The following NIPA2 variants were observed in gnomAD, a reference collection of about 807,000 sequenced individuals.
NIPA2 encodes magnesium transporter NIPA2.
NIPA2 carries 11 observed loss-of-function variants against 29.7 expected under a neutral mutation model. The observed-to-expected ratio is 0.37, with a 90% CI of 0.23 to 0.61. The LOEUF (loss-of-function observed/expected upper bound fraction) is 0.61, where lower values mean the gene tolerates loss of function less well. Among genes scored for constraint, NIPA2 ranks in the 20% least tolerant of loss-of-function variants. NIPA2 has a pLI of 0.66. For missense variants in NIPA2, 426 were observed against 437.9 expected (o/e 0.97, Z 0.24); for synonymous variants, 183 against 161.9 (o/e 1.13, Z -0.99).
intron 7 of NIPA2, among the ~76,000 whole-genome samples, chr15:22,865,875 G>A (rs540861061): frequency 1.3e-5 from 2 of 151,978 alleles, no homozygotes; most frequent in Non-Finnish European, 2.9e-5. Context: ...GAACATTCAA[G>A]GCCACCTCAT....
intron 2 of NIPA2, among the ~76,000 whole-genome samples, chr15:22,840,304 T>G (rs1304633352): frequency 2.7e-5 from 4 of 148,200 alleles, no homozygotes; most frequent in Non-Finnish European, 6.0e-5. Flanking sequence ...TTTTTTTTGT[T>G]TTTTTTTTTT....
Position 22,866,376 on chromosome 15 carries a change from G to A in NIPA2, c.612G>A (p.Lys204=). Residue 204 remains lysine (K), a synonymous_variant, in exon 8 of 8, where the codon AAG becomes AAA. Coordinates refer to ENST00000337451, the MANE Select transcript of NIPA2 (RefSeq NM_030922.7). ...SCVKGLGIAI[K]ELFAGKPVLR... is the part of the protein sequence containing the mutation. Reference sequence around the variant, plus strand: ...TGAAGGGCCTGGGCATTGCTATCAAGGAGCTGTTTGCAGGGAAGCCTGTGC... The same window carrying A: ...TGAAGGGCCTGGGCATTGCTATCAAAGAGCTGTTTGCAGGGAAGCCTGTGC... The A allele has an allele frequency of 6.2e-7, 1 of 1,614,120 alleles. No homozygotes were observed. Among genetic ancestry groups the A allele is most frequent in the African/African-American group, 1.3e-5 (1 of 75,036 alleles).
chr15:22,867,073 TGTA>T lies in NIPA2; in HGVS notation c.*228_*230del, dbSNP rs555050089. ...ACGATTTCTATTAACATTTTATTGT[TGTA>T]GAAGTATTTTACATTTTCATCCCTT... On this transcript the variant is annotated 3_prime_UTR_variant, in exon 8 of 8. Coordinates refer to ENST00000337451, the MANE Select transcript of NIPA2 (RefSeq NM_030922.7). 2.5e-4 allele frequency: 125 copies of T among 508,506 alleles called. No homozygotes were observed. The highest frequency in any genetic ancestry group is 1.6e-3 in the African/African-American group (83 of 50,884). 31.5% of individuals were successfully genotyped at this position (508,506 alleles called of 1,614,324 possible).
chr15:22,857,665 C>T (rs377302969), intron 5 of NIPA2, among the ~76,000 whole-genome samples: 1 of 151,060 alleles, frequency 6.6e-6, no homozygotes, highest in African/African-American at 2.4e-5. Flanking sequence ...GGTGAAACCC[C>T]GTCTCTACTA....
intron 5 of NIPA2, among the ~76,000 whole-genome samples, chr15:22,854,661 G>A (rs1221542002): frequency 1.3e-5 from 2 of 151,768 alleles, no homozygotes; most frequent in Non-Finnish European, 2.9e-5. Context: ...CCCGAGAATC[G>A]CTTGAAACTG....
chr15:22,860,866 C>A, intron 7 of NIPA2, 77 bp downstream of exon 7: 2 of 1,081,658 alleles, frequency 1.8e-6, no homozygotes, highest in Non-Finnish European at 2.7e-6. Context: ...ATTTGATGAG[C>A]ACATAAGGAA....
At chr15:22,840,069 C>G (rs1896595200) in intron 2 of NIPA2, among the ~76,000 whole-genome samples, 1 of 151,938 alleles carries the variant, frequency 6.6e-6, no homozygotes, top group Admixed American at 6.6e-5. Context: ...CACAGACGTG[C>G]GGCACCATGC....
At chr15:22,863,923 TTTG>T (rs756017835) in intron 7 of NIPA2, among the ~76,000 whole-genome samples, 17 of 152,158 alleles carry the variant, frequency 1.1e-4, no homozygotes, top group Non-Finnish European at 2.2e-4. Context: ...TTTGGGGTTT[TTTG>T]TTGTTGTAGA....
intron 6 of NIPA2, among the ~76,000 whole-genome samples, chr15:22,860,104 C>G (rs540758328): frequency 6.6e-6 from 1 of 150,574 alleles, no homozygotes. Context: ...GATGTCAGCT[C>G]GCTGCAACCT....
intron 2 of NIPA2, among the ~76,000 whole-genome samples, chr15:22,841,752 C>T (rs1007918326): frequency 6.6e-6 from 1 of 152,154 alleles, no homozygotes; most frequent in Non-Finnish European, 1.5e-5. Flanking sequence ...CATGATCCAC[C>T]CGCCTCGACC....
At chr15:22,844,176 CTTTTA>C (rs1199900654) in intron 2 of NIPA2, among the ~76,000 whole-genome samples, 2 of 152,102 alleles carry the variant, frequency 1.3e-5, no homozygotes, top group Non-Finnish European at 2.9e-5. Context: ...TCATAATTTT[CTTTTA>C]TTTGAGATGT....
Position 22,866,677 on chromosome 15 carries a change from A to G in NIPA2, c.913A>G (p.Ser305Gly), listed in dbSNP as rs1483615700. The G allele has an allele frequency of 6.2e-7, 1 of 1,614,108 alleles. No individual in the cohort carries two copies. ...LLHAFKDVSF[S>G]LASLPVSFRK... Reference sequence around the variant, plus strand: ...GCATGCCTTTAAAGACGTCAGCTTTAGTCTAGCAAGTCTGCCTGTGTCTTT... The same window carrying G: ...GCATGCCTTTAAAGACGTCAGCTTTGGTCTAGCAAGTCTGCCTGTGTCTTT... Residue 305 changes from serine (S) to glycine (G), a missense_variant, in exon 8 of 8, where the codon AGT becomes GGT. Coordinates refer to ENST00000337451, the MANE Select transcript of NIPA2 (RefSeq NM_030922.7).
At chr15:22,864,376 G>A (rs1021156112) in intron 7 of NIPA2, among the ~76,000 whole-genome samples, 3 of 152,102 alleles carry the variant, frequency 2.0e-5, no homozygotes, top group South Asian at 2.1e-4. Context: ...GGATGGTCTC[G>A]ATCTTCTGAC....
At chr15:22,851,594 T>G in intron 3 of NIPA2, 45 bp from the exon 4 acceptor site, 1 of 614,936 alleles carries the variant, frequency 1.6e-6, no homozygotes, top group South Asian at 3.3e-5. Context: ...ATGTGAGCTG[T>G]CATGAGCATT....
intron 5 of NIPA2, 52 bp downstream of exon 5, chr15:22,853,320 T>C (rs1228477540): frequency 2.6e-6 from 3 of 1,163,062 alleles, no homozygotes; most frequent in Middle Eastern, 1.9e-4. Flanking sequence ...TATTAAAATA[T>C]TTGCATATGG....
At chr15:22,853,532 G>A (rs1047291862) in intron 5 of NIPA2, among the ~76,000 whole-genome samples, 2 of 151,550 alleles carry the variant, frequency 1.3e-5, no homozygotes, top group Non-Finnish European at 2.9e-5. Context: ...CCACCACCAC[G>A]CCCAGCTAAT....
chr15:22,848,937 A>G (rs2057499088), intron 3 of NIPA2, among the ~76,000 whole-genome samples: 2 of 152,132 alleles, frequency 1.3e-5, no homozygotes, highest in South Asian at 4.1e-4. Flanking sequence ...GCATAGGCTA[A>G]AAGGGCGAAT....
At chr15:22,841,578 G>A (rs749821900) in intron 2 of NIPA2, among the ~76,000 whole-genome samples, 8 of 151,914 alleles carry the variant, frequency 5.3e-5, no homozygotes, top group Non-Finnish European at 1.0e-4. Context: ...GTGCGATCTC[G>A]GCTCACTGCA....
chr15:22,845,379 C>G (rs990301034), intron 3 of NIPA2, 112 bp downstream of exon 3: 2 of 152,158 alleles, frequency 1.3e-5, no homozygotes, highest in Admixed American at 6.5e-5. Flanking sequence ...CACATACACC[C>G]TGGTACAGTT....
Sources: gnomAD v4.1 joint callset for allele counts (sites outside exome capture counted in the v4.1 genomes callset) on GRCh38, gnomAD v4.1.1 for gene constraint, MANE v1.5 for transcripts, NCBI Gene and HGNC (gene_info 2026-07-23, HGNC 2026-07-21) for gene names.